Variants in PARD3 observed in about 807,000 individuals in gnomAD.
PARD3 encodes the protein partitioning defective 3 homolog.
In PARD3, 75 loss-of-function variants were observed where a neutral mutation model predicts 155.4. The ratio of observed to expected loss-of-function variants is 0.48; its 90% CI spans 0.40 to 0.58. The LOEUF is 0.58. PARD3 is among the 20% of genes least tolerant of loss of function. PARD3 has a pLI of 0.00. For synonymous variants in PARD3, 576 were observed against 610.5 expected (o/e 0.94, Z 0.83); for missense variants, 1,642 against 1,721.7 (o/e 0.95, Z 0.82).
At chr10:34,184,636 T>C (rs1166279561) in intron 22 of PARD3, among the ~76,000 whole-genome samples, 1 of 151,962 alleles carries the variant, frequency 6.6e-6, no homozygotes, top group African/African-American at 2.4e-5. Flanking sequence ...GTTCAAGGGA[T>C]TGTCGATTTA....
intron 20 of PARD3, among the ~76,000 whole-genome samples, chr10:34,303,760 G>T (rs1957268806): frequency 6.6e-6 from 1 of 152,142 alleles, no homozygotes; most frequent in South Asian, 2.1e-4. Flanking sequence ...GTGAGCCAGT[G>T]TACCCACCAA....
intron 22 of PARD3, among the ~76,000 whole-genome samples, chr10:34,223,893 T>G (rs1286351775): frequency 6.6e-6 from 1 of 152,216 alleles, no homozygotes; most frequent in East Asian, 1.9e-4. Context: ...AGCCAGCAGG[T>G]GGCAGCCCCT....
intron 3 of PARD3, among the ~76,000 whole-genome samples, chr10:34,508,055 T>C (rs926532388): frequency 6.6e-6 from 1 of 152,144 alleles, no homozygotes; most frequent in African/African-American, 2.4e-5. Context: ...AATCAATCTG[T>C]ATATGCTTGC....
chr10:34,283,107 T>C (rs1241498132), intron 21 of PARD3, among the ~76,000 whole-genome samples: 2 of 152,028 alleles, frequency 1.3e-5, no homozygotes, highest in African/African-American at 4.8e-5. Flanking sequence ...CAAACACTAA[T>C]CTCTTTTAAA....
intron 2 of PARD3, among the ~76,000 whole-genome samples, chr10:34,694,046 A>G (rs1235984647): frequency 1.3e-5 from 2 of 152,062 alleles, no homozygotes; most frequent in African/African-American, 4.8e-5. Flanking sequence ...TCAGGTGATT[A>G]ATTCCTTTGT....
chr10:34,754,294 C>T (rs1404740252), intron 1 of PARD3, among the ~76,000 whole-genome samples: 1 of 152,208 alleles, frequency 6.6e-6, no homozygotes, highest in African/African-American at 2.4e-5. Flanking sequence ...GCATGAACCA[C>T]CATGCCTGGC....
chr10:34,470,960 T>C (rs542285568), intron 3 of PARD3, among the ~76,000 whole-genome samples: 8 of 152,330 alleles, frequency 5.3e-5, no homozygotes, highest in East Asian at 1.9e-4. Context: ...ATGGTATGCA[T>C]GTATCAAAAC....
At chr10:34,613,999 A>G (rs2091086704) in intron 2 of PARD3, among the ~76,000 whole-genome samples, 1 of 152,230 alleles carries the variant, frequency 6.6e-6, no homozygotes, top group Admixed American at 6.5e-5. Context: ...TCCTTATAGG[A>G]AAAGTTTATA....
At chr10:34,744,840 A>C (rs1835107448) in intron 1 of PARD3, among the ~76,000 whole-genome samples, 1 of 152,242 alleles carries the variant, frequency 6.6e-6, no homozygotes. Flanking sequence ...GTCTGATAAG[A>C]GGGGAGATTA....
rs557580117 is a variant in PARD3, at chr10:34,601,758, T to A, written c.223-84599A>T. Among the ~76,000 whole-genome samples, 3 of 152,278 alleles carry A rather than the reference T, an allele frequency of 2.0e-5. No homozygotes were observed. In the East Asian group the frequency reaches 5.8e-4, roughly 29 times the overall value. On this transcript the variant is annotated intron_variant, in intron 2 of 24. Transcript: ENST00000374788. The stretch of plus-strand genomic sequence containing the variant: ...ATATCATTAAAAAATGATAGCAAAG[T>A]TTATTGCAATGATAAAGAAATACAA...
intron 5 of PARD3, among the ~76,000 whole-genome samples, chr10:34,406,813 T>C (rs1204561243): frequency 2.7e-5 from 4 of 148,350 alleles, no homozygotes; most frequent in Non-Finnish European, 4.5e-5. Context: ...AAAAAAAAAA[T>C]TGCCCCAGGA....
intron 1 of PARD3, among the ~76,000 whole-genome samples, chr10:34,733,743 G>A (rs942950904): frequency 6.6e-6 from 1 of 152,176 alleles, no homozygotes; most frequent in Non-Finnish European, 1.5e-5. Context: ...CAGGTGATCC[G>A]CTGGTGTTGG....
intron 4 of PARD3, among the ~76,000 whole-genome samples, chr10:34,469,832 T>C (rs1782207382): frequency 6.6e-6 from 1 of 152,128 alleles, no homozygotes; most frequent in African/African-American, 2.4e-5. Context: ...CGATATGAAA[T>C]GGAATCTATT....
intron 7 of PARD3, among the ~76,000 whole-genome samples, chr10:34,392,778 C>G (rs1222149511): frequency 6.6e-6 from 1 of 152,020 alleles, no homozygotes; most frequent in Non-Finnish European, 1.5e-5. Flanking sequence ...GCTTTCTTAT[C>G]AAACAGTAAG....
Position 34,536,214 on chromosome 10 carries a change from T to A in PARD3, c.223-19055A>T, listed in dbSNP as rs181203568. On this transcript the variant is annotated intron_variant, in intron 2 of 24. Coordinates refer to ENST00000374788, the MANE Select transcript of PARD3 (RefSeq NM_001184785.2). ...GGACTTCAGTATAACAAAAAAAAAA[T>A]TTTTAATATTCTAATAGTTTTACTC... Among the ~76,000 whole-genome samples, 413 of 152,084 alleles carry A rather than the reference T, an allele frequency of 2.7e-3. 1 individual carries two copies. Among genetic ancestry groups the A allele is most frequent in the African/African-American group, 8.4e-3 (350 of 41,510 alleles).
intron 22 of PARD3, among the ~76,000 whole-genome samples, chr10:34,239,312 G>A (rs1025831059): frequency 6.6e-6 from 1 of 152,182 alleles, no homozygotes; most frequent in Non-Finnish European, 1.5e-5. Flanking sequence ...ATGGAAGGGT[G>A]CTCACTGGCT....
chr10:34,405,079 AAC>A (rs200596601), intron 5 of PARD3, among the ~76,000 whole-genome samples: 14,846 of 59,050 alleles, frequency 0.25, 1,046 homozygotes, highest in East Asian at 0.47. Context: ...CACAAACACA[AAC>A]ACACACACAC....
At chr10:34,224,922 T>C (rs948586018) in intron 22 of PARD3, among the ~76,000 whole-genome samples, 4 of 152,348 alleles carry the variant, frequency 2.6e-5, no homozygotes, top group African/African-American at 9.6e-5. Flanking sequence ...GAATGATTTA[T>C]TCCTTTTCCT....
intron 21 of PARD3, among the ~76,000 whole-genome samples, chr10:34,280,734 G>C (rs1956116843): frequency 6.6e-6 from 1 of 152,114 alleles, no homozygotes; most frequent in Non-Finnish European, 1.5e-5. Flanking sequence ...TATTTCCCCA[G>C]TGACTCAGAA....
Sources: allele counts gnomAD v4.1 joint callset (sites outside exome capture counted in the v4.1 genomes callset), GRCh38; gene constraint gnomAD v4.1.1; transcripts MANE v1.5; gene names NCBI Gene and HGNC (gene_info 2026-07-23, HGNC 2026-07-21).